Variants in FBF1 observed in about 807,000 individuals in gnomAD.
FBF1 encodes the protein fas-binding factor 1.
In FBF1, 119 loss-of-function variants were observed where a neutral mutation model predicts 147.2. The ratio of observed to expected loss-of-function variants is 0.81; its 90% CI spans 0.70 to 0.94. FBF1 has a LOEUF of 0.94. FBF1 is among the 40% of genes least tolerant of loss of function. The pLI is 0.00. For synonymous variants in FBF1, 601 were observed against 609.0 expected, an observed-to-expected ratio of 0.99 and a Z score of 0.19; for missense variants, 1,449 against 1,500.8, an observed-to-expected ratio of 0.97 and a Z score of 0.57.
rs1248548912 is a variant in FBF1 at position 75,921,570 on chromosome 17, C to T, written c.1527-10G>A. On this transcript the variant is annotated splice_polypyrimidine_tract_variant and intron_variant, in intron 15 of 29. Coordinates refer to ENST00000636174, the MANE Select transcript of FBF1 (RefSeq NM_001319193.2). ...CTGAGTCACAGGGGACCTGAGGACA[C>T]AGGGATGGGGCATGGTGAGCAGCCT... 1.9e-6 allele frequency: 3 copies of T among 1,604,178 alleles called. No individual in the cohort carries two copies. The highest frequency in any genetic ancestry group is 2.6e-6 in the Non-Finnish European group (3 of 1,175,314).
chr17:75,924,649 T>C (rs1472673139), intron 13 of FBF1, among the ~76,000 whole-genome samples: 3 of 152,138 alleles, frequency 2.0e-5, no homozygotes, highest in African/African-American at 7.2e-5. Flanking sequence ...AGCTAATTTT[T>C]GTATTTTCAG....
chr17:75,913,611 T>G, intron 28 of FBF1, 91 bp downstream of exon 28: 1 of 1,019,314 alleles, frequency 9.8e-7, no homozygotes, highest in South Asian at 1.7e-5. Context: ...CTGGCCGCCT[T>G]AACTGGAGCG....
At position 75,921,998 on chromosome 17, in the gene FBF1, C is replaced by T. The variant is rs377289820; in HGVS notation, c.1473G>A (p.Gly491=). The T allele has an allele frequency of 6.4e-7, 1 of 1,551,666 alleles. No homozygotes were observed. Among genetic ancestry groups the T allele is most frequent in the African/African-American group, 1.4e-5 (1 of 73,032 alleles). The change falls in exon 15 of 30, where the codon GGG becomes GGA. Residue 491 remains glycine (G), a synonymous_variant. Coordinates refer to ENST00000636174, the MANE Select transcript of FBF1 (RefSeq NM_001319193.2). ...TTTCTCGTGCAGTTGTTCCAGAACT[C>T]CCTCCAGCAGCTGCGTGCTCAAGCC... ...TQGLEHAAAG[G]SSGTTARERP...
rs1227054648 is a variant in FBF1, at chr17:75,923,960, C to A, written c.969-319G>T. Reference sequence around the variant, plus strand: ...GAGCACGGTGGCTCATGTCTGTAATCCCAGATCTTTGGGAGGCCAGGGTGG... The same window carrying A: ...GAGCACGGTGGCTCATGTCTGTAATACCAGATCTTTGGGAGGCCAGGGTGG... On this transcript the variant is annotated intron_variant, in intron 13 of 29. Coordinates refer to ENST00000636174, the MANE Select transcript of FBF1 (RefSeq NM_001319193.2). This position sits in a 1 kb window ranked among gnomAD's most constrained non-coding sequence, Gnocchi z 4.1. 2.6e-5 allele frequency among the ~76,000 whole-genome samples: 4 copies of A among 152,126 alleles called. No homozygotes were observed. Among genetic ancestry groups the A allele is most frequent in the African/African-American group, 9.7e-5 (4 of 41,432 alleles).
Position 75,922,825 on chromosome 17 carries a change from TGTTTG to T in FBF1, c.1424+356_1424+360del, listed in dbSNP as rs1286571797. Among the ~76,000 whole-genome samples, 2 of 152,242 alleles carry T rather than the reference TGTTTG, an allele frequency of 1.3e-5. No homozygotes were observed. The highest frequency in any genetic ancestry group is 2.9e-5 in the Non-Finnish European group (2 of 68,048). ...CAGTGGAGTCGGCAGAAGCACCGGC[TGTTTG>T]GATGCCGGGGCTTCCAGCCTGAGGG... On this transcript the variant is annotated intron_variant, in intron 14 of 29. Coordinates refer to ENST00000636174, the MANE Select transcript of FBF1 (RefSeq NM_001319193.2). This position sits in a 1 kb window ranked among gnomAD's most constrained non-coding sequence, Gnocchi z 5.0.
In FBF1 at chr17:75,928,202, C is replaced by G. The variant is rs754520705; in HGVS notation, c.280-9G>C. The G allele has an allele frequency of 6.2e-7, 1 of 1,612,524 alleles. No homozygotes were observed. Among genetic ancestry groups the G allele is most frequent in the Non-Finnish European group, 8.5e-7 (1 of 1,178,750 alleles). On this transcript the variant is annotated splice_polypyrimidine_tract_variant and intron_variant, in intron 7 of 29. Transcript: ENST00000636174. The surrounding 1 kb of genome is among the most constrained non-coding windows in gnomAD (Gnocchi z 4.2). The stretch of plus-strand genomic sequence containing the variant: ...TCCATGCCGTCCAGGTCCTAGAAAA[C>G]CAGGGAGGGAGGGCAGAGGACTATG...
In FBF1 at chr17:75,919,910, G is replaced by A; in HGVS notation, c.1932-36C>T. ...AACACCCAGCCATGGCGCAAGGAAG[G>A]CAGAGGGCTGCCGCCTAAAGGCCTC... On this transcript the variant is annotated intron_variant, in intron 19 of 29. Coordinates refer to ENST00000636174, the MANE Select transcript of FBF1 (RefSeq NM_001319193.2). This position sits in a 1 kb window ranked among gnomAD's most constrained non-coding sequence, Gnocchi z 5.0. 6.2e-7 allele frequency: 1 copy of A among 1,613,086 alleles called. No homozygotes were observed. Among genetic ancestry groups the A allele is most frequent in the Non-Finnish European group, 8.5e-7 (1 of 1,179,576 alleles).
At position 75,925,974 on chromosome 17, in the gene FBF1, A is replaced by C; in HGVS notation, c.868+56T>G. On this transcript the variant is annotated intron_variant, in intron 12 of 29. Transcript: ENST00000636174. The surrounding 1 kb of genome is among the most constrained non-coding windows in gnomAD (Gnocchi z 5.0). ...ATTTCTCATTATAGGTTGTGATGAA[A>C]GCCTGATCTAGAGGCCTCCCTCCCG... 1 of 1,533,990 alleles carries C rather than the reference A, an allele frequency of 6.5e-7. No homozygotes were observed. The highest frequency in any genetic ancestry group is 8.8e-7 in the Non-Finnish European group (1 of 1,140,554).
At position 75,918,588 on chromosome 17, in the gene FBF1, C is replaced by G. The variant is rs1042297702; in HGVS notation, c.2139-319G>C. ...TCTCGGCTCACTGCAACCTCTGCCT[C>G]CTGGGTTCAAGCAATTCTCCTGCCT... On this transcript the variant is annotated intron_variant, in intron 20 of 29. Coordinates refer to ENST00000636174, the MANE Select transcript of FBF1 (RefSeq NM_001319193.2). This position sits in a 1 kb window ranked among gnomAD's most constrained non-coding sequence, Gnocchi z 5.8. 7.2e-5 allele frequency among the ~76,000 whole-genome samples: 11 copies of G among 152,010 alleles called. No individual in the cohort carries two copies. Among genetic ancestry groups the G allele is most frequent in the African/African-American group, 2.7e-4 (11 of 41,374 alleles).
rs2065448330 is a variant in FBF1 at position 75,910,037 on chromosome 17, G to A, written c.*686C>T. On this transcript the variant is annotated 3_prime_UTR_variant, in exon 30 of 30. Transcript: ENST00000636174. This position sits in a 1 kb window ranked among gnomAD's most constrained non-coding sequence, Gnocchi z 4.1. ...CTCCCCACACCCCACCATCGCCACAGCTCCCTCCGCCGCCGGTGGGGCACC... is the reference window on the plus strand; with the variant it reads ...CTCCCCACACCCCACCATCGCCACAACTCCCTCCGCCGCCGGTGGGGCACC... 1.5e-6 allele frequency: 1 copy of A among 654,132 alleles called. No homozygotes were observed. Among genetic ancestry groups the A allele is most frequent in the Non-Finnish European group, 2.8e-6 (1 of 354,368 alleles). The allele number at this position is 654,132 out of a possible 1,614,324, so 40.5% of individuals were successfully genotyped here.
chr17:75,914,139 C>T lies in FBF1; in HGVS notation c.2974G>A (p.Val992Met), dbSNP rs905068295. ...ALRVKLRAEE[V>M]ESMSKVASEK... ...AGCAGCACCTTGCTCATGCTCTCCA[C>T]CTCCTCGGCGCGGAGCTTGACACGC... Residue 992 changes from valine to methionine, a missense_variant, in exon 26 of 30, where the codon GTG (valine) becomes ATG (methionine). Val to Met is a conservative substitution (Grantham distance 21). Coordinates refer to ENST00000636174, the MANE Select transcript of FBF1 (RefSeq NM_001319193.2). 1.9e-6 allele frequency: 3 copies of T among 1,601,738 alleles called. No homozygotes were observed. The highest frequency in any genetic ancestry group is 2.5e-6 in the Non-Finnish European group (3 of 1,176,990).
rs760441571 is a variant in FBF1 at position 75,920,085 on chromosome 17, C to T, written c.1853G>A (p.Arg618Gln). Residue 618 changes from arginine to glutamine, a missense_variant, in exon 19 of 30, where the codon CGG (arginine) becomes CAG (glutamine). Arg to Gln is a conservative substitution (Grantham distance 43, BLOSUM62 1). Coordinates refer to ENST00000636174, the MANE Select transcript of FBF1 (RefSeq NM_001319193.2). ...CCCCAGCAGCAGCTCATGCTGGGCC[C>T]GTTCTAGCTCCAGCTTCCGCACCTG... ...EAQVRKLELE[R>Q]AQHELLLGSL... 352 of 1,587,874 alleles carry T rather than the reference C, an allele frequency of 2.2e-4. 2 individuals carry two copies. In the Middle Eastern group the frequency reaches 2.3e-3, roughly 10 times the overall value.
At chr17:75,913,843 A>T in intron 27 of FBF1, 24 bp from the exon 28 acceptor site, 1 of 1,584,774 alleles carries the variant, frequency 6.3e-7, no homozygotes, top group Non-Finnish European at 8.6e-7. Context: ...CCCAGAAAGA[A>T]GGACTCAGCT....
chr17:75,910,920 T>G lies in FBF1; in HGVS notation c.3364-114A>C, dbSNP rs2144146125. 1 of 845,666 alleles carries G rather than the reference T, an allele frequency of 1.2e-6. No individual in the cohort carries two copies. The highest frequency in any genetic ancestry group is 1.9e-6 in the Non-Finnish European group (1 of 528,268). 52.4% of individuals were successfully genotyped at this position (845,666 alleles called of 1,614,324 possible). A position where few individuals can be genotyped will look rare whatever the true frequency, so the allele number is the denominator to read the frequency against. ...GGCCCCTCCCCACATCGTCCCTGACTCTGCCTGGCTCTGGGAGTCAGCAGG... is the reference window on the plus strand; with the variant it reads ...GGCCCCTCCCCACATCGTCCCTGACGCTGCCTGGCTCTGGGAGTCAGCAGG... On this transcript the variant is annotated intron_variant, in intron 29 of 29. Coordinates refer to ENST00000636174, the MANE Select transcript of FBF1 (RefSeq NM_001319193.2). This position sits in a 1 kb window ranked among gnomAD's most constrained non-coding sequence, Gnocchi z 4.1.
In FBF1 at chr17:75,919,122, G is replaced by T. The variant is rs985367625; in HGVS notation, c.2138+546C>A. On this transcript the variant is annotated intron_variant, in intron 20 of 29. Coordinates refer to ENST00000636174, the MANE Select transcript of FBF1 (RefSeq NM_001319193.2). This position sits in a 1 kb window ranked among gnomAD's most constrained non-coding sequence, Gnocchi z 5.0. ...AGGTCTCACTGTGTTGCCCAGACTG[G>T]TCTCAAACTCCTGGCCTCAAGTGAT... Among the ~76,000 whole-genome samples the T allele has an allele frequency of 6.6e-6, 1 of 151,894 alleles. No homozygotes were observed. Among genetic ancestry groups the T allele is most frequent in the Non-Finnish European group, 1.5e-5 (1 of 67,992 alleles).
rs1208118597 is a variant in FBF1 at position 75,913,826 on chromosome 17, C to T, written c.3130-7G>A. 3 of 1,595,908 alleles carry T rather than the reference C, an allele frequency of 1.9e-6. No homozygotes were observed. The highest frequency in any genetic ancestry group is 2.3e-5 in the East Asian group (1 of 44,296). On this transcript the variant is annotated splice_polypyrimidine_tract_variant and splice_region_variant and intron_variant, in intron 27 of 29. Transcript: ENST00000636174. Reference sequence around the variant, plus strand: ...GGGCCAGACTCAGATGCTCCTGTCCCCGTTCCCCCAGAAAGAAGGACTCAG... The same window carrying T: ...GGGCCAGACTCAGATGCTCCTGTCCTCGTTCCCCCAGAAAGAAGGACTCAG...
At chr17:75,920,648 C>T (rs538474290) in intron 17 of FBF1, among the ~76,000 whole-genome samples, 2 of 152,302 alleles carry the variant, frequency 1.3e-5, no homozygotes, top group South Asian at 2.1e-4. Flanking sequence ...CTCCACCCTC[C>T]GGAACAGCTT....
Position 75,938,178 on chromosome 17 carries a change from C to A in FBF1, c.-29G>T. 6.2e-7 allele frequency: 1 copy of A among 1,613,542 alleles called. No individual in the cohort carries two copies. The highest frequency in any genetic ancestry group is 8.5e-7 in the Non-Finnish European group (1 of 1,179,770). ...ACGGCTCTCGGGGGTGCTCTCAGCT[C>A]CTTCACAGCACTGGCCAGCTCATCT... On this transcript the variant is annotated 5_prime_UTR_variant, in exon 2 of 30. Coordinates refer to ENST00000636174, the MANE Select transcript of FBF1 (RefSeq NM_001319193.2).
rs1007312291 is a variant in FBF1, at chr17:75,921,836, G to A, written c.1526+109C>T. 5.1e-5 allele frequency: 53 copies of A among 1,030,788 alleles called. 1 individual carries two copies. The highest frequency in any genetic ancestry group is 3.2e-4 in the African/African-American group (20 of 63,158). The allele number at this position is 1,030,788 out of a possible 1,614,324, so 63.9% of individuals were successfully genotyped here. The stretch of plus-strand genomic sequence containing the variant: ...GGTGGGCAGCCTCTGTGTGGGACAC[G>A]GGGACGGGGCAGGGGCAGGGTGAAC... On this transcript the variant is annotated intron_variant, in intron 15 of 29. Transcript: ENST00000636174.
Sources: gnomAD v4.1 joint callset for allele counts (sites outside exome capture counted in the v4.1 genomes callset) on GRCh38, gnomAD v4.1.1 for gene constraint, Gnocchi (gnomAD v3.1) non-coding constraint, MANE v1.5 for transcripts, NCBI Gene and HGNC (gene_info 2026-07-23, HGNC 2026-07-21) for gene names.